Variants in C3orf49 observed in about 807,000 individuals in gnomAD.
C3orf49 encodes the protein putative uncharacterized protein C3orf49.
Under a neutral mutation model 13.3 loss-of-function variants are expected in C3orf49, and 27 were observed. That is an observed-to-expected ratio of 2.02 (90% confidence interval 1.49 to 2.79). The LOEUF is 2.79. Among genes scored for constraint, C3orf49 ranks in the 30% most tolerant of loss-of-function variants. C3orf49 has a pLI of 0.00. For missense variants in C3orf49, 242 were observed against 134.2 expected (o/e 1.80, Z -3.97); for synonymous variants, 87 against 47.6 (o/e 1.83, Z -3.40).
upstream of C3orf49, among the ~76,000 whole-genome samples, chr3:63,818,172 G>A (rs1443823728): frequency 6.6e-6 from 1 of 151,952 alleles, no homozygotes; most frequent in Non-Finnish European, 1.5e-5. Context: ...CTGCTGAAGC[G>A]GAATTTCTAT....
At chr3:63,780,787 C>T in the C3orf49 span, among the ~76,000 whole-genome samples, 1 of 152,168 alleles carries the variant, frequency 6.6e-6, no homozygotes, top group Non-Finnish European at 1.5e-5. Flanking sequence ...TAAATGTCTT[C>T]TTTTGAGAAA....
the C3orf49 span, among the ~76,000 whole-genome samples, chr3:63,794,499 T>G: frequency 6.6e-6 from 1 of 152,052 alleles, no homozygotes; most frequent in Non-Finnish European, 1.5e-5. Context: ...CCTATTTCCC[T>G]GCTCTGCTTT....
chr3:63,818,171 C>A (rs186522213), upstream of C3orf49, among the ~76,000 whole-genome samples: 6 of 152,062 alleles, frequency 3.9e-5, no homozygotes, highest in Middle Eastern at 3.4e-3. Flanking sequence ...CCTGCTGAAG[C>A]GGAATTTCTA....
chr3:63,836,065 T>C (rs1440998116), intron 5 of C3orf49, among the ~76,000 whole-genome samples: 2 of 152,082 alleles, frequency 1.3e-5, no homozygotes, highest in Admixed American at 1.3e-4. Context: ...ATGAAGACCA[T>C]ATTCTATTTA....
At chr3:63,791,617 GA>G in the C3orf49 span, among the ~76,000 whole-genome samples, 1 of 152,164 alleles carries the variant, frequency 6.6e-6, no homozygotes, top group Admixed American at 6.5e-5. Flanking sequence ...ATTGGTCTGA[GA>G]GGGGGCCCTG....
chr3:63,823,232 C>T lies in C3orf49; in HGVS notation c.126-18C>T, dbSNP rs928659243. 1.5e-5 allele frequency: 10 copies of T among 656,072 alleles called. No individual in the cohort carries two copies. Among genetic ancestry groups the T allele is most frequent in the Non-Finnish European group, 2.5e-5 (9 of 361,008 alleles). 40.6% of individuals were successfully genotyped at this position (656,072 alleles called of 1,614,324 possible). ...ACTTTTCAGTTTCCCTAATATGAACCATTTTTATTTTGTTTAGATGGCATA... is the reference window on the plus strand; with the variant it reads ...ACTTTTCAGTTTCCCTAATATGAACTATTTTTATTTTGTTTAGATGGCATA... On this transcript the variant is annotated intron_variant, in intron 1 of 6. Coordinates refer to ENST00000295896, the MANE Select transcript of C3orf49 (RefSeq NM_001355236.2).
chr3:63,797,527 T>G, the C3orf49 span, among the ~76,000 whole-genome samples: 126 of 152,236 alleles, frequency 8.3e-4, 2 homozygotes, highest in East Asian at 0.016. Flanking sequence ...CTCACAAGAC[T>G]GTGACACACA....
chr3:63,835,487 TA>T, intron 5 of C3orf49: 17 of 1,097,500 alleles, frequency 1.5e-5, no homozygotes, highest in Admixed American at 2.4e-5. Flanking sequence ...ATTTTTAAAA[TA>T]AAAAAAGGGC....
At chr3:63,782,902 TAAG>T in the C3orf49 span, 11 of 152,220 alleles carry the variant, frequency 7.2e-5, no homozygotes, top group Non-Finnish European at 1.5e-4. Flanking sequence ...GAGAAGGTGT[TAAG>T]AACACTTCAA....
chr3:63,787,980 A>T, the C3orf49 span, among the ~76,000 whole-genome samples: 3 of 152,164 alleles, frequency 2.0e-5, no homozygotes, highest in African/African-American at 2.4e-5. Flanking sequence ...GAAGCTTGGG[A>T]ATTGGAAATG....
At chr3:63,813,383 A>T in the C3orf49 span, among the ~76,000 whole-genome samples, 1 of 152,178 alleles carries the variant, frequency 6.6e-6, no homozygotes, top group Admixed American at 6.5e-5. Flanking sequence ...ATTTTGATTC[A>T]TATGTTGTTT....
At chr3:63,824,836 CAAAAAAA>C (rs34464702) in intron 2 of C3orf49, among the ~76,000 whole-genome samples, 1 of 107,898 alleles carries the variant, frequency 9.3e-6, no homozygotes, top group Non-Finnish European at 1.8e-5. Context: ...GACCCTGTCT[CAAAAAAA>C]AAAAAAAAAA....
intron 4 of C3orf49, among the ~76,000 whole-genome samples, chr3:63,831,460 A>C (rs1701530876): frequency 6.6e-6 from 1 of 152,244 alleles, no homozygotes; most frequent in Non-Finnish European, 1.5e-5. Context: ...AGGCATATAC[A>C]TAGGTTTCTT....
chr3:63,847,069 C>T (rs1430906887), intron 6 of C3orf49, among the ~76,000 whole-genome samples: 4 of 151,940 alleles, frequency 2.6e-5, no homozygotes, highest in African/African-American at 7.3e-5. Flanking sequence ...GGGAATGGAT[C>T]GAAGAATTGC....
chr3:63,783,734 AATT>A, the C3orf49 span, among the ~76,000 whole-genome samples: 642 of 148,790 alleles, frequency 4.3e-3, 2 homozygotes, highest in African/African-American at 0.015. Context: ...AAATTAAATT[AATT>A]AATTCATTAA....
intron 5 of C3orf49, chr3:63,837,893 T>G: frequency 7.8e-7 from 1 of 1,280,850 alleles, no homozygotes; most frequent in South Asian, 1.5e-5. Context: ...AGGCTGCAGA[T>G]TTTACCTCAC....
chr3:63,846,319 G>A, intron 6 of C3orf49: 1 of 351,598 alleles, frequency 2.8e-6, no homozygotes, highest in Non-Finnish European at 5.7e-6. Flanking sequence ...ATGGACTTCA[G>A]GGCCACAGTT....
Position 63,823,385 on chromosome 3 carries a change from G to A in C3orf49, c.261G>A (p.Lys87=), listed in dbSNP as rs1280915455. The A allele has an allele frequency of 1.4e-6, 1 of 703,196 alleles. No individual in the cohort carries two copies. Among genetic ancestry groups the A allele is most frequent in the Non-Finnish European group, 2.6e-6 (1 of 385,096 alleles). 43.6% of individuals were successfully genotyped at this position (703,196 alleles called of 1,614,324 possible). The change falls in exon 2 of 7, where the codon AAG becomes AAA. Residue 87 remains lysine (K), a synonymous_variant. Coordinates refer to ENST00000295896, the MANE Select transcript of C3orf49 (RefSeq NM_001355236.2). ...AAAGTAATTTGAAGACGAAAGTGAA[G>A]ACTGCTTTTGGGAGGATGCTGTCCT... The part of the protein sequence containing the change: ...NQKSNLKTKV[K]TAFGRMLSYK...
chr3:63,822,310 A>G (rs767464073), intron 1 of C3orf49, among the ~76,000 whole-genome samples: 10 of 152,244 alleles, frequency 6.6e-5, no homozygotes, highest in Non-Finnish European at 1.0e-4. Context: ...ATGTGAAACT[A>G]TAATGATCTC....
Sources: gnomAD v4.1 joint callset for allele counts (sites outside exome capture counted in the v4.1 genomes callset) on GRCh38, gnomAD v4.1.1 for gene constraint, MANE v1.5 for transcripts, NCBI Gene and HGNC (gene_info 2026-07-23, HGNC 2026-07-21) for gene names.